GABARAPL1: variants seen among roughly 807,000 people sequenced by gnomAD.
GABARAPL1 encodes gamma-aminobutyric acid receptor-associated protein-like 1.
A neutral mutation model predicts 14.5 loss-of-function variants in GABARAPL1; 4 were observed. The observed-to-expected ratio is 0.28, with a 90% CI of 0.14 to 0.63. The LOEUF (loss-of-function observed/expected upper bound fraction) is 0.63, where lower values mean the gene tolerates loss of function less well. Ranked by LOEUF, GABARAPL1 falls within the 30% of genes least tolerant of loss-of-function variation. The pLI, the probability that GABARAPL1 is intolerant of heterozygous loss-of-function variation, is 0.84. For missense variants in GABARAPL1, 82 were observed against 139.2 expected (o/e 0.59, Z 2.07); for synonymous variants, 47 against 50.6 (o/e 0.93, Z 0.30).
intron 1 of GABARAPL1, among the ~76,000 whole-genome samples, chr12:10,216,537 C>CTTTTTTTTTT (rs71049067): frequency 8.9e-6 from 1 of 112,212 alleles, no homozygotes; most frequent in Non-Finnish European, 1.8e-5. Context: ...ATTTTCTTTT[C>CTTTTTTTTTT]TTTTTTTTTT....
intron 1 of GABARAPL1, among the ~76,000 whole-genome samples, chr12:10,217,035 A>G (rs1949094577): frequency 6.6e-6 from 1 of 152,184 alleles, no homozygotes; most frequent in Non-Finnish European, 1.5e-5. Flanking sequence ...TAACAATCGA[A>G]AGCCTAAAGC....
intron 2 of GABARAPL1, 134 bp from the exon 3 acceptor site, chr12:10,220,306 C>T (rs1018386236): frequency 1.6e-6 from 2 of 1,282,554 alleles, no homozygotes; most frequent in African/African-American, 3.0e-5. Flanking sequence ...TTTGGCTCTT[C>T]TCAGATGGTA....
In GABARAPL1 at chr12:10,213,031, A is replaced by C; in HGVS notation, c.-99A>C. On this transcript the variant is annotated 5_prime_UTR_variant, in exon 1 of 4. Coordinates refer to ENST00000266458, the MANE Select transcript of GABARAPL1 (RefSeq NM_031412.4). ...CCCCGGAGCGGACGTTTCTGCAGCT[A>C]TTCTGAGCACACCTTGACGTCGGCT... 1 of 721,288 alleles carries C rather than the reference A, an allele frequency of 1.4e-6. No individual in the cohort carries two copies. The highest frequency in any genetic ancestry group is 2.5e-6 in the Non-Finnish European group (1 of 407,314). 44.7% of individuals were successfully genotyped at this position (721,288 alleles called of 1,614,324 possible). A position where few individuals can be genotyped will look rare whatever the true frequency, so the allele number is the denominator to read the frequency against.
At chr12:10,217,836 A>T (rs368883051) in intron 1 of GABARAPL1, among the ~76,000 whole-genome samples, 1 of 152,162 alleles carries the variant, frequency 6.6e-6, no homozygotes, top group African/African-American at 2.4e-5. Context: ...ACTTTTCATC[A>T]TATACAATCT....
At position 10,212,908 on chromosome 12, in the gene GABARAPL1, G is replaced by T. The variant is rs1949065001; in HGVS notation, c.-222G>T. ...GTGCTCCCAGCTCTAGCGAAAAGCC[G>T]CCGGTATTTCTCCATCTGGCTCTCC... On this transcript the variant is annotated 5_prime_UTR_variant, in exon 1 of 4. Transcript: ENST00000266458. 2.1e-6 allele frequency: 1 copy of T among 487,118 alleles called. No homozygotes were observed. Among genetic ancestry groups the T allele is most frequent in the East Asian group, 3.7e-5 (1 of 26,786 alleles). 30.2% of individuals were successfully genotyped at this position (487,118 alleles called of 1,614,324 possible).
intron 1 of GABARAPL1, chr12:10,213,772 A>AG (rs1438175433): frequency 2.2e-6 from 1 of 450,284 alleles, no homozygotes; most frequent in African/African-American, 2.0e-5. Flanking sequence ...AGCACAAGAC[A>AG]GTCCTGGCCT....
chr12:10,217,167 T>C (rs1053963783), intron 1 of GABARAPL1, among the ~76,000 whole-genome samples: 1 of 152,186 alleles, frequency 6.6e-6, no homozygotes, highest in Non-Finnish European at 1.5e-5. Context: ...AATGTGGACA[T>C]TGAAAATCCC....
chr12:10,220,880 A>G (rs1436611371), intron 3 of GABARAPL1: 3 of 1,407,574 alleles, frequency 2.1e-6, no homozygotes, highest in African/African-American at 1.4e-5. Context: ...GCGTCAGCCC[A>G]TCGCAGTTCC....
Position 10,218,059 on chromosome 12 carries a change from C to T in GABARAPL1, c.91-4C>T, listed in dbSNP as rs867326024. ...TCATTCCTACTCTCCTCCTCTTCTT[C>T]CAGGTGATTGTAGAGAAGGCTCCAA... On this transcript the variant is annotated splice_polypyrimidine_tract_variant and splice_region_variant and intron_variant, in intron 1 of 3. Coordinates refer to ENST00000266458, the MANE Select transcript of GABARAPL1 (RefSeq NM_031412.4). 6.3e-7 allele frequency: 1 copy of T among 1,575,340 alleles called. No homozygotes were observed. Among genetic ancestry groups the T allele is most frequent in the Non-Finnish European group, 8.7e-7 (1 of 1,144,800 alleles).
chr12:10,219,346 C>A (rs202166028), intron 2 of GABARAPL1, among the ~76,000 whole-genome samples: 218 of 140,794 alleles, frequency 1.5e-3, no homozygotes, highest in East Asian at 5.2e-3. Flanking sequence ...AAAAAAAAAA[C>A]CCCAAAATTC....
chr12:10,216,467 T>C (rs1949089801), intron 1 of GABARAPL1, among the ~76,000 whole-genome samples: 2 of 152,044 alleles, frequency 1.3e-5, no homozygotes, highest in African/African-American at 2.4e-5. Flanking sequence ...CAGTTTTTTT[T>C]TTTTCTGCGT....
intron 2 of GABARAPL1, among the ~76,000 whole-genome samples, chr12:10,219,726 G>T (rs1011854283): frequency 2.6e-5 from 4 of 152,068 alleles, no homozygotes; most frequent in Non-Finnish European, 5.9e-5. Flanking sequence ...CTTGAACCTG[G>T]GGAGGTGGAG....
Position 10,213,065 on chromosome 12 carries a change from G to T in GABARAPL1, c.-65G>T. ...ACACCTTGACGTCGGCTGAGGGAGC[G>T]GGACAGGGTCAGCGGCGAAGGAGGC... On this transcript the variant is annotated 5_prime_UTR_variant, in exon 1 of 4. Coordinates refer to ENST00000266458, the MANE Select transcript of GABARAPL1 (RefSeq NM_031412.4). 2.1e-6 allele frequency: 2 copies of T among 974,610 alleles called. No individual in the cohort carries two copies. The highest frequency in any genetic ancestry group is 3.2e-6 in the Non-Finnish European group (2 of 619,342). 60.4% of individuals were successfully genotyped at this position (974,610 alleles called of 1,614,324 possible).
chr12:10,221,078 G>A, intron 3 of GABARAPL1: 1 of 985,342 alleles, frequency 1.0e-6, no homozygotes, highest in Non-Finnish European at 1.2e-6. Context: ...CTGAAGTTTT[G>A]GCTTAAGACA....
chr12:10,221,900 G>A lies in GABARAPL1; in HGVS notation c.*48G>A. On this transcript the variant is annotated 3_prime_UTR_variant, in exon 4 of 4. Coordinates refer to ENST00000266458, the MANE Select transcript of GABARAPL1 (RefSeq NM_031412.4). ...GGAGCACCTGGACTTGGGGGTAGGG[G>A]AGGGGTGTGTGTGCGCGACATGGGG... is the stretch of plus-strand genomic sequence containing the variant. 2 of 1,579,248 alleles carry A rather than the reference G, an allele frequency of 1.3e-6. No individual in the cohort carries two copies. The highest frequency in any genetic ancestry group is 2.2e-5 in the East Asian group (1 of 44,716).
intron 1 of GABARAPL1, chr12:10,214,187 G>C (rs1592003366): frequency 4.3e-6 from 1 of 231,540 alleles, no homozygotes; most frequent in African/African-American, 2.2e-5. Flanking sequence ...TTTATCTTCA[G>C]GTAGGAACAT....
chr12:10,221,925 GAA>G lies in GABARAPL1; in HGVS notation c.*75_*76del. On this transcript the variant is annotated 3_prime_UTR_variant, in exon 4 of 4. Coordinates refer to ENST00000266458, the MANE Select transcript of GABARAPL1 (RefSeq NM_031412.4). ...GAGGGGTGTGTGTGCGCGACATGGG[GAA>G]AGAGGGTGGCTCCCACCGCAAGGAG... is the stretch of plus-strand genomic sequence containing the variant. 7.2e-7 allele frequency: 1 copy of G among 1,382,396 alleles called. No homozygotes were observed. The highest frequency in any genetic ancestry group is 1.7e-5 in the Admixed American group (1 of 58,160). 85.6% of individuals were successfully genotyped at this position (1,382,396 alleles called of 1,614,324 possible). A position where few individuals can be genotyped will look rare whatever the true frequency, so the allele number is the denominator to read the frequency against.
chr12:10,213,622 G>C, intron 1 of GABARAPL1: 1 of 346,658 alleles, frequency 2.9e-6, no homozygotes, highest in Non-Finnish European at 5.7e-6. Context: ...TGTGCGGTGA[G>C]GTTTGCGCAA....
chr12:10,221,924 G>A lies in GABARAPL1; in HGVS notation c.*72G>A. The A allele has an allele frequency of 7.1e-7, 1 of 1,407,840 alleles. No homozygotes were observed. The highest frequency in any genetic ancestry group is 1.0e-6 in the Non-Finnish European group (1 of 997,408). The allele number at this position is 1,407,840 out of a possible 1,614,324, so 87.2% of individuals were successfully genotyped here. ...GGAGGGGTGTGTGTGCGCGACATGG[G>A]GAAAGAGGGTGGCTCCCACCGCAAG... On this transcript the variant is annotated 3_prime_UTR_variant, in exon 4 of 4. Transcript: ENST00000266458.
Sources: allele counts gnomAD v4.1 joint callset (sites outside exome capture counted in the v4.1 genomes callset), GRCh38; gene constraint gnomAD v4.1.1; transcripts MANE v1.5; gene names NCBI Gene and HGNC (gene_info 2026-07-23, HGNC 2026-07-21).